TRPM7: variants seen among roughly 807,000 people sequenced by gnomAD.
TRPM7 encodes the protein LTRPC ion channel family member 7.
Under a neutral mutation model 229.7 loss-of-function variants are expected in TRPM7, and 134 were observed. The ratio of observed to expected loss-of-function variants is 0.58; its 90% CI spans 0.51 to 0.67. The LOEUF (loss-of-function observed/expected upper bound fraction) is 0.67, where lower values mean the gene tolerates loss of function less well. Ranked by LOEUF, TRPM7 falls within the 30% of genes least tolerant of loss-of-function variation. The pLI, the probability that TRPM7 is intolerant of heterozygous loss-of-function variation, is 0.00. For synonymous variants in TRPM7, 699 were observed against 715.2 expected (o/e 0.98, Z 0.36); for missense variants, 1,901 against 2,210.0 (o/e 0.86, Z 2.80).
chr15:50,655,037 T>TGGA (rs2061522499), intron 3 of TRPM7, among the ~76,000 whole-genome samples: 2 of 132,882 alleles, frequency 1.5e-5, no homozygotes, highest in Non-Finnish European at 3.2e-5. Flanking sequence ...ATTCACTGGA[T>TGGA]GGACAAAACA....
intron 1 of TRPM7, among the ~76,000 whole-genome samples, chr15:50,680,061 C>CTATTGT (rs2062208853): frequency 6.6e-6 from 1 of 151,924 alleles, no homozygotes; most frequent in African/African-American, 2.4e-5. Context: ...TGGTGAAACC[C>CTATTGT]TGTCTCTGCT....
At position 50,607,225 on chromosome 15, in the gene TRPM7, G is replaced by C. The variant is rs763433835; in HGVS notation, c.2684C>G (p.Thr895Ser). ...QEWIVIAYIF[T>S]YAIEKVREIF... ...CTCACGGACTTTCTCAATGGCATAA[G>C]TAAAAATATAAGCAATAACAATCCA... is the stretch of plus-strand genomic sequence containing the variant. The change falls in exon 20 of 39, where the codon ACT becomes AGT. Residue 895 changes from threonine (T) to serine (S), a missense_variant. Physicochemically the swap from Thr to Ser is moderately conservative, Grantham distance 58. Transcript: ENST00000646667. 1.9e-6 allele frequency: 3 copies of C among 1,610,484 alleles called. No homozygotes were observed. Among genetic ancestry groups the C allele is most frequent in the Non-Finnish European group, 2.5e-6 (3 of 1,178,630 alleles).
At chr15:50,677,980 C>T (rs2062134154) in intron 1 of TRPM7, among the ~76,000 whole-genome samples, 1 of 151,866 alleles carries the variant, frequency 6.6e-6, no homozygotes, top group Non-Finnish European at 1.5e-5. Context: ...TGGCTCATGC[C>T]TATAATCCCA....
chr15:50,627,358 C>CA lies in TRPM7; in HGVS notation c.1305+790dup, dbSNP rs2060593152. Among the ~76,000 whole-genome samples, 4 of 151,950 alleles carry CA rather than the reference C, an allele frequency of 2.6e-5. 1 individual carries two copies. In the South Asian group the frequency reaches 8.3e-4, roughly 31 times the overall value. The stretch of plus-strand genomic sequence containing the variant: ...AGACAGAGGAAGTCCAAAGAGGAGA[C>CA]ATTTGGTTAGAGGCCAGAAAGATAG... On this transcript the variant is annotated intron_variant, in intron 11 of 38. Transcript: ENST00000646667.
At chr15:50,623,884 T>C (rs1052094242) in intron 12 of TRPM7, among the ~76,000 whole-genome samples, 8 of 151,852 alleles carry the variant, frequency 5.3e-5, no homozygotes, top group African/African-American at 1.9e-4. Context: ...AATTAAGAAG[T>C]TGATCCTCTA....
Position 50,593,636 on chromosome 15 carries a change from T to A in TRPM7, c.3589A>T (p.Ile1197Phe). The A allele has an allele frequency of 6.2e-7, 1 of 1,611,880 alleles. No homozygotes were observed. Among genetic ancestry groups the A allele is most frequent in the Non-Finnish European group, 8.5e-7 (1 of 1,179,396 alleles). ...DKFHSGSEER[I>F]RVTFERVEQM... is the part of the protein sequence containing the mutation. Reference sequence around the variant, plus strand: ...CTGAACCTTTCAAAAGTGACACGAATTCTCTCTTCACTCCCAGAATGAAAT... The same window carrying A: ...CTGAACCTTTCAAAAGTGACACGAAATCTCTCTTCACTCCCAGAATGAAAT... Residue 1197 changes from isoleucine to phenylalanine, a missense_variant, in exon 25 of 39, where the codon ATT becomes TTT. By Grantham distance (21) the Ile-to-Phe change is conservative. Transcript: ENST00000646667.
intron 12 of TRPM7, among the ~76,000 whole-genome samples, chr15:50,622,606 C>A (rs1247631215): frequency 6.6e-6 from 1 of 152,232 alleles, no homozygotes; most frequent in Non-Finnish European, 1.5e-5. Flanking sequence ...ATAATGGAAG[C>A]TGGGCCCAGT....
At chr15:50,631,556 G>A in intron 9 of TRPM7, 67 bp from the exon 10 acceptor site, 1 of 1,109,322 alleles carries the variant, frequency 9.0e-7, no homozygotes, top group Non-Finnish European at 1.3e-6. Flanking sequence ...ATAAAACTCA[G>A]TAATTTCAAA....
chr15:50,599,051 T>G, intron 22 of TRPM7, 71 bp downstream of exon 22: 1 of 1,178,210 alleles, frequency 8.5e-7, no homozygotes, highest in Non-Finnish European at 1.2e-6. Context: ...TATGCAATAT[T>G]ACTATAATTC....
chr15:50,582,088 G>A (rs57722122), intron 29 of TRPM7, among the ~76,000 whole-genome samples: 4 of 152,092 alleles, frequency 2.6e-5, no homozygotes, highest in East Asian at 1.9e-4. Context: ...TCAGCCTCCC[G>A]AGTAGCTGAA....
chr15:50,618,527 G>C (rs1361241868), intron 13 of TRPM7, among the ~76,000 whole-genome samples: 2 of 151,686 alleles, frequency 1.3e-5, no homozygotes, highest in Admixed American at 1.3e-4. Context: ...CCAAGATCAC[G>C]CCACTGCACT....
chr15:50,630,066 TG>T (rs1294372571), intron 10 of TRPM7, among the ~76,000 whole-genome samples: 4 of 152,088 alleles, frequency 2.6e-5, no homozygotes, highest in Non-Finnish European at 5.9e-5. Context: ...TTCGCCATGT[TG>T]GCCAGGCTGA....
At chr15:50,584,952 T>C (rs1318681867) in intron 28 of TRPM7, among the ~76,000 whole-genome samples, 1 of 152,088 alleles carries the variant, frequency 6.6e-6, no homozygotes, top group East Asian at 1.9e-4. Flanking sequence ...CTTGGCTCAC[T>C]GCAACCTCCA....
intron 1 of TRPM7, among the ~76,000 whole-genome samples, chr15:50,674,254 G>A (rs1487910869): frequency 6.6e-6 from 1 of 152,174 alleles, no homozygotes; most frequent in Non-Finnish European, 1.5e-5. Flanking sequence ...CTCCCAAAGT[G>A]CTAGGATTAC....
intron 1 of TRPM7, among the ~76,000 whole-genome samples, chr15:50,678,255 AAACAAAAAC>A (rs1393796481): frequency 3.0e-5 from 4 of 134,032 alleles, no homozygotes; most frequent in Non-Finnish European, 5.2e-5. Context: ...AAAAAAACAA[AAACAAAAAC>A]AAAAACAAAA....
chr15:50,613,816 C>T lies in TRPM7; in HGVS notation c.1661G>A (p.Ser554Asn), dbSNP rs776690974. Reference protein sequence around the residue: ...NRRSGRNTSSSTPQLRKSHES... With the variant: ...NRRSGRNTSSNTPQLRKSHES... ...ATGACTCTTTCGCAACTGAGGAGTGCTGCTGGAGGTATTTCGGCCAGACCT... is the reference window on the plus strand; with the variant it reads ...ATGACTCTTTCGCAACTGAGGAGTGTTGCTGGAGGTATTTCGGCCAGACCT... The change falls in exon 15 of 39, where the codon AGC (serine) becomes AAC (asparagine). Residue 554 changes from serine to asparagine, a missense_variant. Physicochemically the swap from Ser to Asn is conservative, Grantham distance 46 (BLOSUM62 1). This residue lies in a region of TRPM7 where 794 missense variants were observed against 881.9 expected (regional missense o/e 0.90). Coordinates refer to ENST00000646667, the MANE Select transcript of TRPM7 (RefSeq NM_017672.6). 7 of 1,612,932 alleles carry T rather than the reference C, an allele frequency of 4.3e-6. No individual in the cohort carries two copies. The highest frequency in any genetic ancestry group is 4.5e-5 in the East Asian group (2 of 44,860).
intron 1 of TRPM7, among the ~76,000 whole-genome samples, chr15:50,671,745 G>A (rs1009421859): frequency 6.6e-6 from 1 of 152,084 alleles, no homozygotes; most frequent in African/African-American, 2.4e-5. Flanking sequence ...AGGAGTTTGA[G>A]GTTAAAGTAA....
At position 50,665,313 on chromosome 15, in the gene TRPM7, G is replaced by C. The variant is rs1446400764; in HGVS notation, c.4-2267C>G. ...TCAGGAGGCTGAGGCAGAACTGCTT[G>C]AACCCGGGAGGCAGAGATTGCAGTG... is the stretch of plus-strand genomic sequence containing the variant. On this transcript the variant is annotated intron_variant, in intron 1 of 38. Transcript: ENST00000646667. Among the ~76,000 whole-genome samples the C allele has an allele frequency of 3.3e-5, 5 of 151,482 alleles. No homozygotes were observed. In the East Asian group the frequency reaches 9.7e-4, roughly 30 times the overall value.
intron 21 of TRPM7, 132 bp downstream of exon 21, chr15:50,604,734 G>T: frequency 1.2e-6 from 1 of 856,522 alleles, no homozygotes; most frequent in Non-Finnish European, 1.8e-6. Context: ...AATGGCAGAT[G>T]TGAAGTATGA....
Sources: gnomAD v4.1 joint callset for allele counts (sites outside exome capture counted in the v4.1 genomes callset) on GRCh38, gnomAD v4.1.1 for gene constraint, gnomAD v4.1.1 regional missense constraint, MANE v1.5 for transcripts, NCBI Gene and HGNC (gene_info 2026-07-23, HGNC 2026-07-21) for gene names.